Variants in ELMOD1 observed in about 807,000 individuals in gnomAD.
The protein encoded by ELMOD1 is ELMO domain-containing protein 1.
A neutral mutation model predicts 46.7 loss-of-function variants in ELMOD1; 21 were observed. That is an observed-to-expected ratio of 0.45 (90% confidence interval 0.32 to 0.65). ELMOD1 has a LOEUF of 0.65. ELMOD1 is among the 30% of genes least tolerant of loss of function. The pLI is 0.04. For missense variants in ELMOD1, 348 were observed against 407.8 expected, an observed-to-expected ratio of 0.85 and a Z score of 1.26; for synonymous variants, 122 against 138.2, an observed-to-expected ratio of 0.88 and a Z score of 0.82.
At chr11:107,612,284 T>G (rs577081413) in intron 1 of ELMOD1, among the ~76,000 whole-genome samples, 1 of 152,238 alleles carries the variant, frequency 6.6e-6, no homozygotes, top group African/African-American at 2.4e-5. Flanking sequence ...ATGTTCTCAC[T>G]TATAGGTGGG....
intron 2 of ELMOD1, among the ~76,000 whole-genome samples, chr11:107,622,111 A>G (rs985766155): frequency 8.5e-5 from 13 of 152,208 alleles, no homozygotes; most frequent in Non-Finnish European, 7.4e-5. Context: ...CAAAACTAAG[A>G]TATATAAAAG....
At chr11:107,603,858 A>G (rs935987714) in intron 1 of ELMOD1, among the ~76,000 whole-genome samples, 1 of 151,874 alleles carries the variant, frequency 6.6e-6, no homozygotes, top group Non-Finnish European at 1.5e-5. Context: ...AGCCTGGGTG[A>G]CAAAGCTAGA....
intron 2 of ELMOD1, chr11:107,625,315 G>A (rs1402645516): frequency 3.8e-6 from 3 of 789,258 alleles, no homozygotes; most frequent in African/African-American, 3.8e-5. Context: ...TTTCATTTGG[G>A]AAACTGTGGT....
intron 5 of ELMOD1, among the ~76,000 whole-genome samples, chr11:107,633,359 C>T (rs1866173759): frequency 6.6e-6 from 1 of 152,202 alleles, no homozygotes; most frequent in South Asian, 2.1e-4. Context: ...ATTAACCTCA[C>T]TTGTTTTAAT....
intron 5 of ELMOD1, among the ~76,000 whole-genome samples, chr11:107,632,474 G>A (rs145333796): frequency 6.5e-4 from 99 of 152,278 alleles, no homozygotes; most frequent in African/African-American, 2.2e-3. Context: ...GAGCACACTT[G>A]CGTAGGTCTA....
At chr11:107,608,818 CTG>C (rs2135663477) in intron 1 of ELMOD1, among the ~76,000 whole-genome samples, 1 of 152,272 alleles carries the variant, frequency 6.6e-6, no homozygotes, top group East Asian at 1.9e-4. Context: ...CAGAGGAACA[CTG>C]TTATTCAGAT....
At chr11:107,663,512 A>C (rs1289756149) in intron 11 of ELMOD1, among the ~76,000 whole-genome samples, 1 of 151,900 alleles carries the variant, frequency 6.6e-6, no homozygotes, top group Non-Finnish European at 1.5e-5. Flanking sequence ...AAAAAAAGAA[A>C]TGGAACAGTC....
In ELMOD1 at chr11:107,656,078, G is replaced by A; in HGVS notation, c.832+12G>A. The A allele has an allele frequency of 6.4e-7, 1 of 1,551,764 alleles. No individual in the cohort carries two copies. Among genetic ancestry groups the A allele is most frequent in the Non-Finnish European group, 8.7e-7 (1 of 1,147,100 alleles). Reference sequence around the variant, plus strand: ...TCAGCAAACATTCTGTAAGTATCCTGTTGTATAATTATCAATATAGGTTTC... The same window carrying A: ...TCAGCAAACATTCTGTAAGTATCCTATTGTATAATTATCAATATAGGTTTC... On this transcript the variant is annotated intron_variant, in intron 11 of 11. Transcript: ENST00000265840.
At chr11:107,596,874 A>T (rs1035640058) in intron 1 of ELMOD1, among the ~76,000 whole-genome samples, 4 of 152,176 alleles carry the variant, frequency 2.6e-5, no homozygotes, top group Non-Finnish European at 4.4e-5. Context: ...TTTAAACTGT[A>T]GATAACCTGG....
At chr11:107,600,954 T>A (rs532621517) in intron 1 of ELMOD1, 149 of 152,204 alleles carry the variant, frequency 9.8e-4, no homozygotes, top group African/African-American at 3.3e-3. Flanking sequence ...GGTGCCTCCA[T>A]GTGGGCTAAA....
intron 7 of ELMOD1, among the ~76,000 whole-genome samples, chr11:107,648,851 T>C (rs1866478080): frequency 1.3e-5 from 2 of 152,140 alleles, no homozygotes; most frequent in South Asian, 2.1e-4. Context: ...ATTGTACTTG[T>C]TATTTTTTTC....
At chr11:107,599,736 G>A (rs1865558254) in intron 1 of ELMOD1, among the ~76,000 whole-genome samples, 3 of 23,378 alleles carry the variant, frequency 1.3e-4, no homozygotes, top group Middle Eastern at 0.014. Context: ...AGCGAGACCT[G>A]TCTCAAAAAA....
At chr11:107,643,527 T>A (rs1785532936) in intron 6 of ELMOD1, 1 of 475,966 alleles carries the variant, frequency 2.1e-6, no homozygotes, top group African/African-American at 2.0e-5. Context: ...TAGTATAGTC[T>A]GTAGTAGAAC....
rs905916805 is a variant in ELMOD1 at position 107,655,592 on chromosome 11, A to T, written c.699-341A>T. ...AAATGCCTTTTTTTTTTTTTTTGTA[A>T]AGTGAAAGCACGTTTACTAAGAAAG... On this transcript the variant is annotated intron_variant, in intron 10 of 11. Coordinates refer to ENST00000265840, the MANE Select transcript of ELMOD1 (RefSeq NM_018712.4). 3.0e-4 allele frequency among the ~76,000 whole-genome samples: 5 copies of T among 16,720 alleles called. No individual in the cohort carries two copies. In the South Asian group the frequency reaches 4.9e-3, roughly 17 times the overall value. 11.0% of individuals were successfully genotyped at this position (16,720 alleles called of 152,430 possible).
chr11:107,592,619 G>T, intron 1 of ELMOD1: 1 of 288,498 alleles, frequency 3.5e-6, no homozygotes, highest in Non-Finnish European at 7.1e-6. Flanking sequence ...CAGTTTAGTT[G>T]GTATTTTGCC....
chr11:107,602,317 TC>T (rs1390830344), intron 1 of ELMOD1, among the ~76,000 whole-genome samples: 3 of 152,320 alleles, frequency 2.0e-5, no homozygotes, highest in Middle Eastern at 3.4e-3. Flanking sequence ...CTTTTGTTAT[TC>T]AAGGAGCTGG....
At chr11:107,592,718 G>A (rs185493608) in intron 1 of ELMOD1, 247 of 218,482 alleles carry the variant, frequency 1.1e-3, no homozygotes, top group Admixed American at 2.9e-3. Flanking sequence ...TTCTCTGTAA[G>A]ACATCACTGT....
intron 2 of ELMOD1, among the ~76,000 whole-genome samples, chr11:107,622,794 A>C (rs1865973049): frequency 6.6e-6 from 1 of 152,134 alleles, no homozygotes; most frequent in East Asian, 1.9e-4. Flanking sequence ...CTAAGTCCTG[A>C]AAAAGGGAAA....
chr11:107,626,329 G>A (rs1198746193), intron 2 of ELMOD1, among the ~76,000 whole-genome samples: 1 of 144,876 alleles, frequency 6.9e-6, no homozygotes, highest in Non-Finnish European at 1.5e-5. Flanking sequence ...AGTGGGTTCT[G>A]TCTCACAGGT....
Sources: gnomAD v4.1 joint callset for allele counts (sites outside exome capture counted in the v4.1 genomes callset) on GRCh38, gnomAD v4.1.1 for gene constraint, MANE v1.5 for transcripts, NCBI Gene and HGNC (gene_info 2026-07-23, HGNC 2026-07-21) for gene names.